BTRC: variants seen among roughly 807,000 people sequenced by gnomAD.
BTRC encodes the protein beta-transducin repeat containing E3 ubiquitin protein ligase.
BTRC carries 42 observed loss-of-function variants against 85.5 expected under a neutral mutation model. That is an observed-to-expected ratio of 0.49 (90% CI 0.38 to 0.64). The LOEUF (loss-of-function observed/expected upper bound fraction) is 0.64, where lower values mean the gene tolerates loss of function less well. BTRC is among the 30% of genes least tolerant of loss of function. BTRC has a pLI of 0.00. For synonymous variants in BTRC, 255 were observed against 263.3 expected (o/e 0.97, Z 0.30); for missense variants, 594 against 743.5 (o/e 0.80, Z 2.34).
intron 14 of BTRC, among the ~76,000 whole-genome samples, chr10:101,551,476 A>G (rs747952717): frequency 1.3e-5 from 2 of 152,002 alleles, no homozygotes; most frequent in Non-Finnish European, 2.9e-5. Flanking sequence ...CAAGTCTCCA[A>G]CCTCTCTCTC....
intron 4 of BTRC, among the ~76,000 whole-genome samples, chr10:101,497,152 T>G (rs1277711242): frequency 6.6e-6 from 1 of 152,198 alleles, no homozygotes; most frequent in Non-Finnish European, 1.5e-5. Flanking sequence ...CTAGCACCAT[T>G]TATTGAAATG....
rs71016324 is a variant in BTRC at position 101,475,922 on chromosome 10, C to CATATATATATATATATAT, written c.235-3431_235-3414dup. On this transcript the variant is annotated intron_variant, in intron 3 of 14. Transcript: ENST00000370187. ...TTTGCATAGTCTCCAAGTATTTTGC[C>CATATATATATATATATAT]ATATATATATATATATATATATATA... 9.0e-3 allele frequency among the ~76,000 whole-genome samples: 605 copies of CATATATATATATATATAT among 67,438 alleles called. 57 individuals are homozygous for CATATATATATATATATAT. Among genetic ancestry groups the CATATATATATATATATAT allele is most frequent in the South Asian group, 0.013 (18 of 1,436 alleles). The allele number at this position is 67,438 out of a possible 152,430, so 44.2% of individuals were successfully genotyped here.
rs556129127 is a variant in BTRC at position 101,441,940 on chromosome 10, T to G, written c.156+11488T>G. ...AATACAATGTAGACACGTCTTGTTT[T>G]GAACACAATTTAAATAATGTAATTT... On this transcript the variant is annotated intron_variant, in intron 2 of 14. Coordinates refer to ENST00000370187, the MANE Select transcript of BTRC (RefSeq NM_033637.4). 2.0e-5 allele frequency among the ~76,000 whole-genome samples: 3 copies of G among 152,202 alleles called. No individual in the cohort carries two copies. In the South Asian group the frequency reaches 6.2e-4, roughly 32 times the overall value.
chr10:101,419,815 C>T (rs1400795604), intron 1 of BTRC, among the ~76,000 whole-genome samples: 3 of 152,178 alleles, frequency 2.0e-5, no homozygotes, highest in African/African-American at 4.8e-5. Context: ...TAGCCTGCCT[C>T]AGTCTTTCAC....
intron 1 of BTRC, among the ~76,000 whole-genome samples, chr10:101,411,448 C>CT (rs1368165958): frequency 6.6e-6 from 1 of 152,212 alleles, no homozygotes; most frequent in African/African-American, 2.4e-5. Flanking sequence ...TGTTAGACCA[C>CT]TTACAATTTC....
chr10:101,544,575 T>A (rs1436763612), intron 13 of BTRC, among the ~76,000 whole-genome samples: 5 of 152,188 alleles, frequency 3.3e-5, no homozygotes, highest in African/African-American at 1.2e-4. Context: ...CTGGCTAATT[T>A]TCTTTATTTT....
chr10:101,368,965 G>A (rs1942556336), intron 1 of BTRC, among the ~76,000 whole-genome samples: 1 of 152,148 alleles, frequency 6.6e-6, no homozygotes, highest in South Asian at 2.1e-4. Context: ...GTTGCAGTGA[G>A]CTGAGATGGT....
intron 1 of BTRC, 187 bp downstream of exon 1, chr10:101,354,415 TG>T: frequency 1.6e-6 from 1 of 627,124 alleles, no homozygotes; most frequent in Non-Finnish European, 2.6e-6. Context: ...GACCCAGGGG[TG>T]GGGGCAGCGG....
chr10:101,419,943 G>T (rs1307583909), intron 1 of BTRC, among the ~76,000 whole-genome samples: 1 of 151,994 alleles, frequency 6.6e-6, no homozygotes, highest in East Asian at 1.9e-4. Context: ...AGGAGCTCTG[G>T]TTCCTTTTAG....
At position 101,556,975 on chromosome 10, in the gene BTRC, A is replaced by C. The variant is rs987970972; in HGVS notation, c.*3852A>C. ...TGGACACTGAAGGAAAAGGCCAACT[A>C]GGGTGTTAGCCCTCTGGGCACCAAG... On this transcript the variant is annotated 3_prime_UTR_variant, in exon 15 of 15. Transcript: ENST00000370187. The C allele has an allele frequency of 3.9e-5, 6 of 152,250 alleles. No homozygotes were observed. Among genetic ancestry groups the C allele is most frequent in the African/African-American group, 1.4e-4 (6 of 41,444 alleles). 9.4% of individuals were successfully genotyped at this position (152,250 alleles called of 1,614,324 possible). A position where few individuals can be genotyped will look rare whatever the true frequency, so the allele number is the denominator to read the frequency against.
At position 101,526,015 on chromosome 10, in the gene BTRC, C is replaced by T. The variant is rs1165056261; in HGVS notation, c.559C>T (p.Arg187Trp). The part of the protein sequence containing the change: ...QRDFITALPA[R>W]GLDHIAENIL... ...TTGCCTCCTCCCCCTACTGAAAGCT[C>T]GGGGATTGGATCATATTGCTGAGAA... The change falls in exon 6 of 15, where the codon CGG becomes TGG. Residue 187 changes from arginine (R) to tryptophan (W), a missense_variant and splice_region_variant. Coordinates refer to ENST00000370187, the MANE Select transcript of BTRC (RefSeq NM_033637.4). 1.9e-6 allele frequency: 3 copies of T among 1,612,942 alleles called. No individual in the cohort carries two copies. The highest frequency in any genetic ancestry group is 2.5e-6 in the Non-Finnish European group (3 of 1,179,282).
rs539543821 is a variant in BTRC, at chr10:101,532,807, C to T, written c.979-145C>T. On this transcript the variant is annotated intron_variant, in intron 8 of 14. Transcript: ENST00000370187. ...GTGTGTGTGCGCGTGTGCGCGCGCG[C>T]GCGCTTAGCTATACCTATAGAAAAT... 112 of 661,364 alleles carry T rather than the reference C, an allele frequency of 1.7e-4. No homozygotes were observed. In the African/African-American group the frequency reaches 1.8e-3, roughly 10 times the overall value. The allele number at this position is 661,364 out of a possible 1,614,324, so 41.0% of individuals were successfully genotyped here.
At chr10:101,481,927 T>C (rs968044841) in intron 4 of BTRC, among the ~76,000 whole-genome samples, 3 of 152,228 alleles carry the variant, frequency 2.0e-5, no homozygotes, top group African/African-American at 4.8e-5. Flanking sequence ...AAATAATCAG[T>C]TGGTCAATGT....
At chr10:101,422,545 T>C (rs1944131763) in intron 1 of BTRC, among the ~76,000 whole-genome samples, 1 of 152,244 alleles carries the variant, frequency 6.6e-6, no homozygotes, top group South Asian at 2.1e-4. Context: ...TCCTTGCCCA[T>C]GCCTATGTCC....
chr10:101,354,099 G>A (rs1435086336), upstream of BTRC: 1 of 1,484,472 alleles, frequency 6.7e-7, no homozygotes, highest in Non-Finnish European at 9.2e-7. Flanking sequence ...AAGAGGAGGC[G>A]GGATCCGGGC....
At chr10:101,412,819 T>A (rs1250030188) in intron 1 of BTRC, among the ~76,000 whole-genome samples, 1 of 152,250 alleles carries the variant, frequency 6.6e-6, no homozygotes, top group African/African-American at 2.4e-5. Context: ...TGTTGGCGAT[T>A]AAGTTTATAT....
intron 1 of BTRC, among the ~76,000 whole-genome samples, chr10:101,392,002 C>G (rs1045631222): frequency 6.6e-6 from 1 of 151,448 alleles, no homozygotes. Flanking sequence ...TTTTTTGAGA[C>G]GGAGGCTTGC....
At chr10:101,412,632 CAGTT>C (rs1390829531) in intron 1 of BTRC, among the ~76,000 whole-genome samples, 1 of 152,174 alleles carries the variant, frequency 6.6e-6, no homozygotes, top group Non-Finnish European at 1.5e-5. Context: ...GCATAAATTT[CAGTT>C]AGCACAATTT....
chr10:101,475,119 A>G (rs898248502), intron 3 of BTRC, among the ~76,000 whole-genome samples: 25 of 152,240 alleles, frequency 1.6e-4, no homozygotes, highest in African/African-American at 5.5e-4. Flanking sequence ...CAGAATTTAC[A>G]TGCACCAATA....
Sources: allele counts gnomAD v4.1 joint callset (sites outside exome capture counted in the v4.1 genomes callset), GRCh38; gene constraint gnomAD v4.1.1; transcripts MANE v1.5; gene names NCBI Gene and HGNC (gene_info 2026-07-23, HGNC 2026-07-21).